The following NTM variants were observed in gnomAD, a reference collection of about 807,000 sequenced individuals.
The protein encoded by NTM is IgLON family member 2.
In NTM, 13 loss-of-function variants were observed where a neutral mutation model predicts 42.1. The ratio of observed to expected loss-of-function variants is 0.31; its 90% CI spans 0.20 to 0.49. The LOEUF (loss-of-function observed/expected upper bound fraction) is 0.49, where lower values mean the gene tolerates loss of function less well. Among genes scored for constraint, NTM ranks in the 20% least tolerant of loss-of-function variants. The probability of loss-of-function intolerance (pLI) is 0.99; values close to 1 mark genes in which losing one functional copy is unlikely to be tolerated. For missense variants in NTM, 373 were observed against 452.8 expected (o/e 0.82, Z 1.60); for synonymous variants, 187 against 179.2 (o/e 1.04, Z -0.35).
intron 1 of NTM, among the ~76,000 whole-genome samples, chr11:131,488,401 C>T (rs1954417411): frequency 6.6e-6 from 1 of 152,190 alleles, no homozygotes; most frequent in Admixed American, 6.5e-5. Context: ...GATCTTGTGT[C>T]ATTTTATTTC....
chr11:131,606,932 C>A (rs1045513022), intron 1 of NTM, among the ~76,000 whole-genome samples: 3 of 152,188 alleles, frequency 2.0e-5, no homozygotes, highest in African/African-American at 7.2e-5. Flanking sequence ...CATCTCATTT[C>A]TTTTACCACC....
At chr11:132,140,024 A>G (rs1449497773) in intron 2 of NTM, among the ~76,000 whole-genome samples, 1 of 152,222 alleles carries the variant, frequency 6.6e-6, no homozygotes, top group Non-Finnish European at 1.5e-5. Context: ...GAATTTTTAC[A>G]ATAAACAAAA....
intron 2 of NTM, among the ~76,000 whole-genome samples, chr11:131,980,931 T>G (rs537431669): frequency 1.3e-5 from 2 of 152,320 alleles, no homozygotes; most frequent in East Asian, 3.9e-4. Context: ...GGGAAGTACT[T>G]TGTTCCATCT....
intron 1 of NTM, among the ~76,000 whole-genome samples, chr11:131,450,175 G>A (rs905089047): frequency 1.3e-5 from 2 of 152,124 alleles, no homozygotes; most frequent in Non-Finnish European, 2.9e-5. Flanking sequence ...ACACTCCCAT[G>A]TGGGCCAGTC....
intron 1 of NTM, among the ~76,000 whole-genome samples, chr11:131,805,491 T>A (rs1397311176): frequency 6.6e-6 from 1 of 152,178 alleles, no homozygotes; most frequent in African/African-American, 2.4e-5. Context: ...GTTATCCGAT[T>A]ATATTAGAAT....
intron 1 of NTM, among the ~76,000 whole-genome samples, chr11:131,556,002 G>T (rs2055361398): frequency 6.6e-6 from 1 of 152,202 alleles, no homozygotes; most frequent in African/African-American, 2.4e-5. Context: ...CAAGGGAACA[G>T]AGTCAATGGA....
intron 2 of NTM, among the ~76,000 whole-genome samples, chr11:132,112,850 C>T (rs1304171325): frequency 6.6e-6 from 1 of 152,116 alleles, no homozygotes. Flanking sequence ...ATGAAAACAA[C>T]ACCAACTCTG....
chr11:131,685,740 T>G (rs1469136667), intron 1 of NTM, among the ~76,000 whole-genome samples: 1 of 152,238 alleles, frequency 6.6e-6, no homozygotes, highest in Non-Finnish European at 1.5e-5. Flanking sequence ...ATTCACTTGT[T>G]TATTTGTTTA....
rs377336213 is a variant in NTM, at chr11:132,305,808, G to A, written c.527-1881G>A. On this transcript the variant is annotated intron_variant, in intron 4 of 8. Transcript: ENST00000683400. ...ATAAAGGCTACTGAGACCATTAGAA[G>A]TGTCTTACTGGTAGGAACTATGAGT... is the stretch of plus-strand genomic sequence containing the variant. Among the ~76,000 whole-genome samples the A allele has an allele frequency of 1.9e-4, 29 of 152,192 alleles. 2 individuals carry two copies. Among genetic ancestry groups the A allele is most frequent in the East Asian group, 1.5e-3 (8 of 5,192 alleles).
At chr11:131,431,046 C>T (rs1287589842) in intron 1 of NTM, among the ~76,000 whole-genome samples, 1 of 152,234 alleles carries the variant, frequency 6.6e-6, no homozygotes, top group Non-Finnish European at 1.5e-5. Flanking sequence ...AGCCGTTCCA[C>T]ACAGTGTCGC....
chr11:132,171,688 C>T (rs2076142336), intron 3 of NTM, among the ~76,000 whole-genome samples: 1 of 152,178 alleles, frequency 6.6e-6, no homozygotes, highest in African/African-American at 2.4e-5. Context: ...TTTGATTCTT[C>T]ACTATTTCTG....
chr11:131,944,346 C>T (rs1311558002), intron 2 of NTM, among the ~76,000 whole-genome samples: 5 of 152,280 alleles, frequency 3.3e-5, no homozygotes, highest in African/African-American at 1.2e-4. Context: ...TAGTGGTGAG[C>T]TCTTGATGAA....
At chr11:131,789,945 G>A (rs578038430) in intron 1 of NTM, among the ~76,000 whole-genome samples, 265 of 102,918 alleles carry the variant, frequency 2.6e-3, no homozygotes, top group Admixed American at 4.5e-3. Context: ...GACAGAGCGA[G>A]ACTCCGTCTC....
chr11:132,137,335 C>T (rs2068132857), intron 2 of NTM, among the ~76,000 whole-genome samples: 1 of 152,212 alleles, frequency 6.6e-6, no homozygotes, highest in African/African-American at 2.4e-5. Flanking sequence ...AGCTCCTTCC[C>T]TGCCAAGGAG....
chr11:131,842,867 CG>C (rs1565619592), intron 1 of NTM, among the ~76,000 whole-genome samples: 1 of 151,908 alleles, frequency 6.6e-6, no homozygotes, highest in East Asian at 1.9e-4. Flanking sequence ...AAAATTTAGT[CG>C]GGCGTGGTGC....
intron 1 of NTM, among the ~76,000 whole-genome samples, chr11:131,715,199 A>T (rs1394933838): frequency 6.6e-6 from 1 of 152,234 alleles, no homozygotes; most frequent in Non-Finnish European, 1.5e-5. Context: ...CTGACAGTTC[A>T]GATTATACAA....
intron 2 of NTM, among the ~76,000 whole-genome samples, chr11:131,915,320 A>G (rs570430069): frequency 3.4e-4 from 52 of 152,186 alleles, no homozygotes; most frequent in African/African-American, 1.2e-3. Flanking sequence ...TGTCTTCCCT[A>G]TTCATTTTGG....
intron 1 of NTM, among the ~76,000 whole-genome samples, chr11:131,822,402 G>A (rs1203652065): frequency 1.3e-5 from 2 of 152,144 alleles, no homozygotes; most frequent in East Asian, 1.9e-4. Context: ...ACACCAGTGT[G>A]TAAAATGTAT....
At chr11:131,449,141 G>T (rs1441354572) in intron 1 of NTM, among the ~76,000 whole-genome samples, 2 of 152,226 alleles carry the variant, frequency 1.3e-5, no homozygotes, top group Non-Finnish European at 2.9e-5. Context: ...GTCAGGTTAG[G>T]TGCTTACATT....
Sources: allele counts gnomAD v4.1 joint callset (sites outside exome capture counted in the v4.1 genomes callset), GRCh38; gene constraint gnomAD v4.1.1; transcripts MANE v1.5; gene names NCBI Gene and HGNC (gene_info 2026-07-23, HGNC 2026-07-21).